Variants in CDCA2 observed in about 807,000 individuals in gnomAD.
CDCA2 encodes cell division cycle associated 2.
Under a neutral mutation model 67.0 loss-of-function variants are expected in CDCA2, and 44 were observed. That is an observed-to-expected ratio of 0.66 (90% CI 0.52 to 0.84). The LOEUF is 0.84. CDCA2 is among the 40% of genes least tolerant of loss of function. The pLI, the probability that CDCA2 is intolerant of heterozygous loss-of-function variation, is 0.00. For synonymous variants in CDCA2, 447 were observed against 418.7 expected (o/e 1.07, Z -0.82); for missense variants, 1,253 against 1,203.2 (o/e 1.04, Z -0.61).
intron 14 of CDCA2, among the ~76,000 whole-genome samples, chr8:25,506,088 T>C (rs1224646914): frequency 6.6e-6 from 1 of 152,144 alleles, no homozygotes; most frequent in Non-Finnish European, 1.5e-5. Context: ...TTCCAAATTT[T>C]CCCTCCCCTG....
rs373935435 is a variant in CDCA2, at chr8:25,487,286, A to G, written c.1485A>G (p.Ile495Met). Residue 495 changes from isoleucine (I) to methionine (M), a missense_variant, in exon 12 of 15, where the codon ATA becomes ATG. By Grantham distance (10) the Ile-to-Met change is conservative (BLOSUM62 1). Coordinates refer to ENST00000330560, the MANE Select transcript of CDCA2 (RefSeq NM_152562.4). ...GTTCTTCAAATAACCATGAGAAAAT[A>G]TCCTCTCCTAAAGTTGGTAGAATAA... Reference protein sequence around the residue: ...TFSSSNNHEKISSPKVGRITR... With the variant: ...TFSSSNNHEKMSSPKVGRITR... The G allele has an allele frequency of 4.3e-6, 7 of 1,611,266 alleles. No individual in the cohort carries two copies. Among genetic ancestry groups the G allele is most frequent in the Non-Finnish European group, 5.9e-6 (7 of 1,177,820 alleles).
Position 25,460,261 on chromosome 8 carries a change from A to G in CDCA2, c.22A>G (p.Lys8Glu). 6.2e-7 allele frequency: 1 copy of G among 1,614,194 alleles called. No homozygotes were observed. The part of the protein sequence containing the change: MDANSKD[K>E]PPETKESAMN... ...TTAGATGGATGCCAATTCAAAAGAC[A>G]AGCCCCCTGAAACCAAGGAGTCTGC... Residue 8 changes from lysine to glutamate, a missense_variant, in exon 2 of 15, where the codon AAG (lysine) becomes GAG (glutamate). Transcript: ENST00000330560.
At chr8:25,497,360 A>T (rs1327254842) in intron 13 of CDCA2, among the ~76,000 whole-genome samples, 1 of 152,190 alleles carries the variant, frequency 6.6e-6, no homozygotes, top group Non-Finnish European at 1.5e-5. Flanking sequence ...GTGTACACAC[A>T]CAACAAAATG....
At chr8:25,499,121 TTCCATAA>T (rs983581502) in intron 13 of CDCA2, among the ~76,000 whole-genome samples, 4 of 151,962 alleles carry the variant, frequency 2.6e-5, no homozygotes, top group African/African-American at 9.7e-5. Context: ...GTTTGAAATT[TTCCATAA>T]TCAAAAGTTA....
chr8:25,479,072 C>G (rs1006322184), intron 7 of CDCA2, among the ~76,000 whole-genome samples: 2 of 152,002 alleles, frequency 1.3e-5, no homozygotes, highest in African/African-American at 4.8e-5. Context: ...TGCTACAATC[C>G]ACCAACTTGT....
chr8:25,477,430 CATCTGTAAGCCAAAAATCCAAA>C (rs1365230656), intron 7 of CDCA2, among the ~76,000 whole-genome samples: 1 of 152,178 alleles, frequency 6.6e-6, no homozygotes, highest in East Asian at 1.9e-4. Context: ...ACAGGTTGAG[CATCTGTAAGCCAAAAATCCAAA>C]TTCTGTAACT....
chr8:25,463,170 TC>T (rs1802769774), intron 4 of CDCA2, among the ~76,000 whole-genome samples: 1 of 152,226 alleles, frequency 6.6e-6, no homozygotes, highest in Non-Finnish European at 1.5e-5. Context: ...GGCAAGGGTC[TC>T]CTGGACAAAA....
At chr8:25,500,763 A>C (rs977016466) in intron 13 of CDCA2, among the ~76,000 whole-genome samples, 5 of 152,244 alleles carry the variant, frequency 3.3e-5, no homozygotes, top group African/African-American at 1.2e-4. Context: ...ACCATGGGTC[A>C]GGCCCTACAT....
chr8:25,468,138 A>AAAAAAT, intron 5 of CDCA2, 79 bp from the exon 6 acceptor site: 1 of 575,872 alleles, frequency 1.7e-6, no homozygotes, highest in Non-Finnish European at 2.4e-6. Flanking sequence ...AAAAAAAAAA[A>AAAAAAT]AGAAAAGAAA....
At chr8:25,459,739 T>C (rs1315487304) in intron 1 of CDCA2, among the ~76,000 whole-genome samples, 2 of 152,220 alleles carry the variant, frequency 1.3e-5, no homozygotes, top group African/African-American at 4.8e-5. Context: ...ACAGCAGTTT[T>C]CTCCATTTCT....
intron 7 of CDCA2, among the ~76,000 whole-genome samples, chr8:25,470,519 GT>G (rs923648394): frequency 6.6e-6 from 1 of 152,068 alleles, no homozygotes; most frequent in African/African-American, 2.4e-5. Context: ...ACTTAACATG[GT>G]TTTATTCACA....
In CDCA2 at chr8:25,488,609, C is replaced by A. The variant is rs1255571693; in HGVS notation, c.1591C>A (p.Pro531Thr). ...CAACTTATTGAATACAGAAGTTCAGCCTTGTAAAGAAAAGAAAATTAATAG... is the reference window on the plus strand; with the variant it reads ...CAACTTATTGAATACAGAAGTTCAGACTTGTAAAGAAAAGAAAATTAATAG... ...VCNLLNTEVQ[P>T]CKEKKINRRK... is the part of the protein sequence containing the mutation. Residue 531 changes from proline (P) to threonine (T), a missense_variant, in exon 13 of 15, where the codon CCT becomes ACT. Transcript: ENST00000330560. 1 of 1,612,924 alleles carries A rather than the reference C, an allele frequency of 6.2e-7. No homozygotes were observed. The highest frequency in any genetic ancestry group is 1.7e-5 in the Admixed American group (1 of 59,884).
chr8:25,489,597 C>G (rs1244400172), intron 13 of CDCA2, among the ~76,000 whole-genome samples: 1 of 152,164 alleles, frequency 6.6e-6, no homozygotes, highest in Non-Finnish European at 1.5e-5. Context: ...TGACATCTGG[C>G]CTTCTTCTTC....
intron 13 of CDCA2, among the ~76,000 whole-genome samples, chr8:25,500,510 CT>C (rs925689159): frequency 6.6e-6 from 1 of 151,712 alleles, no homozygotes; most frequent in African/African-American, 2.4e-5. Context: ...TCAATTAAAA[CT>C]TTTTTTTCTA....
At chr8:25,464,947 G>A (rs1224634772) in intron 4 of CDCA2, among the ~76,000 whole-genome samples, 2 of 152,066 alleles carry the variant, frequency 1.3e-5, no homozygotes, top group African/African-American at 4.8e-5. Flanking sequence ...ATGGCTTCAC[G>A]ATATGAACTG....
At position 25,462,100 on chromosome 8, in the gene CDCA2, C is replaced by T. The variant is rs758848985; in HGVS notation, c.279C>T (p.Val93=). 1.9e-5 allele frequency: 31 copies of T among 1,614,022 alleles called. No individual in the cohort carries two copies. Among genetic ancestry groups the T allele is most frequent in the South Asian group, 1.1e-4 (10 of 91,086 alleles). Residue 93 remains valine, a synonymous_variant, in exon 4 of 15, where the codon GTC becomes GTT. Coordinates refer to ENST00000330560, the MANE Select transcript of CDCA2 (RefSeq NM_152562.4). Reference sequence around the variant, plus strand: ...AAAAATGTAGACGACGTTCTGCAGTCGGTGCTCGGGGCTCTCCTGAAACAA... The same window carrying T: ...AAAAATGTAGACGACGTTCTGCAGTTGGTGCTCGGGGCTCTCCTGAAACAA... The part of the protein sequence containing the change: ...YLKKCRRRSA[V]GARGSPETNH...
At chr8:25,498,864 T>G (rs921933656) in intron 13 of CDCA2, among the ~76,000 whole-genome samples, 4 of 152,318 alleles carry the variant, frequency 2.6e-5, no homozygotes, top group South Asian at 4.1e-4. Context: ...CTCTGGAGAT[T>G]TGTCCAGGTT....
intron 6 of CDCA2, 138 bp from the exon 7 acceptor site, chr8:25,469,758 T>A: frequency 9.7e-6 from 1 of 102,704 alleles, no homozygotes. Flanking sequence ...GTATCTCCTG[T>A]ACACTTTATG....
At position 25,506,705 on chromosome 8, in the gene CDCA2, C is replaced by G; in HGVS notation, c.2039C>G (p.Thr680Arg). ...GCTACTTCTGATGAAGATCCAAATACAAATATAATGAACATTAATGAAAAT... is the reference window on the plus strand; with the variant it reads ...GCTACTTCTGATGAAGATCCAAATAGAAATATAATGAACATTAATGAAAAT... Reference protein sequence around the residue: ...GNATSDEDPNTNIMNINENKN... With the variant: ...GNATSDEDPNRNIMNINENKN... The change falls in exon 15 of 15, where the codon ACA (threonine) becomes AGA (arginine). Residue 680 changes from threonine to arginine, a missense_variant. By Grantham distance (71) the Thr-to-Arg change is moderately conservative. Coordinates refer to ENST00000330560, the MANE Select transcript of CDCA2 (RefSeq NM_152562.4). 6.2e-7 allele frequency: 1 copy of G among 1,611,176 alleles called. No homozygotes were observed. Among genetic ancestry groups the G allele is most frequent in the Middle Eastern group, 1.7e-4 (1 of 6,032 alleles).
Sources: gnomAD v4.1 joint callset for allele counts (sites outside exome capture counted in the v4.1 genomes callset) on GRCh38, gnomAD v4.1.1 for gene constraint, MANE v1.5 for transcripts, NCBI Gene and HGNC (gene_info 2026-07-23, HGNC 2026-07-21) for gene names.